The following ATP2A1 variants were observed in gnomAD, a reference collection of about 807,000 sequenced individuals.
ATP2A1 encodes sarcoplasmic/endoplasmic reticulum calcium ATPase 1.
Under a neutral mutation model 109.5 loss-of-function variants are expected in ATP2A1, and 83 were observed. The ratio of observed to expected loss-of-function variants is 0.76; its 90% confidence interval spans 0.63 to 0.91. The LOEUF (loss-of-function observed/expected upper bound fraction) is 0.91. Among genes scored for constraint, ATP2A1 ranks in the 40% least tolerant of loss-of-function variants. ATP2A1 has a pLI of 0.00. For synonymous variants in ATP2A1, 505 were observed against 537.6 expected, an observed-to-expected ratio of 0.94 and a Z score of 0.84; for missense variants, 1,101 against 1,341.0, an observed-to-expected ratio of 0.82 and a Z score of 2.80.
chr16:28,890,579 C>T (rs536488417), intron 9 of ATP2A1, among the ~76,000 whole-genome samples: 34 of 152,200 alleles, frequency 2.2e-4, no homozygotes, highest in African/African-American at 7.2e-4. Flanking sequence ...CACTTGAGCC[C>T]AGGAGTTTTA....
chr16:28,894,553 G>A lies in ATP2A1; in HGVS notation c.1233G>A (p.Val411=), dbSNP rs1963864519. ...PVRPGQYDGL[V]ELATICALCN... ...GGCCAGGGCAGTATGACGGGCTGGTGGAGCTGGCCACCATCTGTGCCCTCT... is the reference window on the plus strand; with the variant it reads ...GGCCAGGGCAGTATGACGGGCTGGTAGAGCTGGCCACCATCTGTGCCCTCT... Residue 411 remains valine (V), a synonymous_variant, in exon 11 of 23, where the codon GTG becomes GTA. Coordinates refer to ENST00000395503, the MANE Select transcript of ATP2A1 (RefSeq NM_004320.6). 1 of 1,614,094 alleles carries A rather than the reference G, an allele frequency of 6.2e-7. No individual in the cohort carries two copies. Among genetic ancestry groups the A allele is most frequent in the Non-Finnish European group, 8.5e-7 (1 of 1,180,032 alleles).
Position 28,882,379 on chromosome 16 carries a change from C to T in ATP2A1, c.325-72C>T, listed in dbSNP as rs564000195. The T allele has an allele frequency of 3.7e-5, 59 of 1,607,598 alleles. No individual in the cohort carries two copies. In the East Asian group the frequency reaches 8.7e-4, roughly 24 times the overall value. On this transcript the variant is annotated intron_variant, in intron 4 of 22. Coordinates refer to ENST00000395503, the MANE Select transcript of ATP2A1 (RefSeq NM_004320.6). ...CTGTGTGGGGTTTTGTTGCCTCCCC[C>T]GTGCCAGGAGCCACAACTCCATAAC...
Position 28,898,236 on chromosome 16 carries a change from G to GC in ATP2A1, c.1553dup (p.Glu519Ter), listed in dbSNP as rs1283302972. On this transcript the variant is annotated frameshift_variant, in exon 14 of 23. Transcript: ENST00000395503. LOFTEE classifies it high-confidence loss of function. This position sits in a 1 kb window ranked among gnomAD's most constrained non-coding sequence, Gnocchi z 4.0. ...GAATGCTGTTCTGGTCTCCTAGGGT[G>GC]CCCCTGAGGGCGTCATCGACCGCTG... 6.2e-7 allele frequency: 1 copy of GC among 1,614,208 alleles called. No individual in the cohort carries two copies. Among genetic ancestry groups the GC allele is most frequent in the Non-Finnish European group, 8.5e-7 (1 of 1,180,036 alleles).
intron 12 of ATP2A1, among the ~76,000 whole-genome samples, chr16:28,895,371 G>C (rs1010674403): frequency 2.6e-5 from 4 of 152,172 alleles, no homozygotes; most frequent in Non-Finnish European, 5.9e-5. Flanking sequence ...TTGCCCAGAT[G>C]AACCCGGCCA....
In ATP2A1 at chr16:28,890,099, G is replaced by A. The variant is rs181843249; in HGVS notation, c.1095+1146G>A. ...AGAGGTTGCAGTGAGCCGAGATCGC[G>A]CCACTGCACTCCAGTGTGGGCGACG... On this transcript the variant is annotated intron_variant, in intron 9 of 22. Transcript: ENST00000395503. Among the ~76,000 whole-genome samples the A allele has an allele frequency of 4.1e-4, 63 of 152,038 alleles. No homozygotes were observed. In the East Asian group the frequency reaches 6.4e-3, roughly 15 times the overall value.
chr16:28,883,499 T>C lies in ATP2A1; in HGVS notation c.463+910T>C, dbSNP rs542499573. The stretch of plus-strand genomic sequence containing the variant: ...TCCTCCCTCCTCGGTCCATTTCCTC[T>C]GGCACAGGAGGGATCCTTAGAAACA... On this transcript the variant is annotated intron_variant, in intron 5 of 22. Transcript: ENST00000395503. This position sits in a 1 kb window ranked among gnomAD's most constrained non-coding sequence, Gnocchi z 5.2. Among the ~76,000 whole-genome samples the C allele has an allele frequency of 6.2e-4, 94 of 152,262 alleles. No individual in the cohort carries two copies. Among genetic ancestry groups the C allele is most frequent in the Non-Finnish European group, 1.0e-3 (70 of 67,988 alleles).
At chr16:28,886,468 A>G (rs1963615438) in intron 6 of ATP2A1, among the ~76,000 whole-genome samples, 1 of 152,144 alleles carries the variant, frequency 6.6e-6, no homozygotes, top group African/African-American at 2.4e-5. Context: ...CCCTGCTCTT[A>G]GGGTGAGGGA....
chr16:28,881,912 C>T (rs928686434), intron 4 of ATP2A1, among the ~76,000 whole-genome samples: 8 of 151,624 alleles, frequency 5.3e-5, no homozygotes, highest in Non-Finnish European at 4.4e-5. Context: ...ATCTGCAGGG[C>T]AGCCTCTGAT....
In ATP2A1 at chr16:28,879,498, C is replaced by A; in HGVS notation, c.137-3C>A. On this transcript the variant is annotated splice_region_variant and splice_polypyrimidine_tract_variant and intron_variant, in intron 2 of 22. Coordinates refer to ENST00000395503, the MANE Select transcript of ATP2A1 (RefSeq NM_004320.6). ...GGGGCCCTCCCCTTGCCTCCTCCCCCAGGGAAGACCCTGTGGGAGCTGGTG... is the reference window on the plus strand; with the variant it reads ...GGGGCCCTCCCCTTGCCTCCTCCCCAAGGGAAGACCCTGTGGGAGCTGGTG... The A allele has an allele frequency of 1.9e-6, 3 of 1,614,082 alleles. No homozygotes were observed. The highest frequency in any genetic ancestry group is 2.5e-6 in the Non-Finnish European group (3 of 1,179,948).
Position 28,878,539 on chromosome 16 carries a change from A to C in ATP2A1, c.-133A>C. 2.4e-6 allele frequency: 2 copies of C among 825,476 alleles called. No homozygotes were observed. The highest frequency in any genetic ancestry group is 4.0e-6 in the Non-Finnish European group (2 of 498,252). 51.1% of individuals were successfully genotyped at this position (825,476 alleles called of 1,614,324 possible). On this transcript the variant is annotated 5_prime_UTR_variant, in exon 1 of 23. Transcript: ENST00000395503. ...TCAGAGCTTTGTGGAGGGAAGAAAA[A>C]CCTGGAGGGGGCAGGAGAGTAAAAA...
rs552080304 is a variant in ATP2A1, at chr16:28,890,006, G to A, written c.1095+1053G>A. Among the ~76,000 whole-genome samples, 314 of 152,256 alleles carry A rather than the reference G, an allele frequency of 2.1e-3. 5 individuals carry two copies. Among genetic ancestry groups the A allele is most frequent in the African/African-American group, 7.4e-3 (306 of 41,528 alleles). ...AAAATACAAAAATTAGCCGGGCATG[G>A]TGGTGCGTGCCAGTAATCCCAGCTA... On this transcript the variant is annotated intron_variant, in intron 9 of 22. Transcript: ENST00000395503.
rs1017800034 is a variant in ATP2A1, at chr16:28,880,184, C to T, written c.219+601C>T. On this transcript the variant is annotated intron_variant, in intron 3 of 22. Transcript: ENST00000395503. This position sits in a 1 kb window ranked among gnomAD's most constrained non-coding sequence, Gnocchi z 4.2. ...CCTAGGCACCCCCACCCCCGCAGGGCATCTCCAGGGCTCTGCCTCCTCTCC... is the reference window on the plus strand; with the variant it reads ...CCTAGGCACCCCCACCCCCGCAGGGTATCTCCAGGGCTCTGCCTCCTCTCC... The T allele has an allele frequency of 3.1e-6, 3 of 958,590 alleles. No individual in the cohort carries two copies. Among genetic ancestry groups the T allele is most frequent in the African/African-American group, 1.8e-5 (1 of 56,480 alleles). 59.4% of individuals were successfully genotyped at this position (958,590 alleles called of 1,614,324 possible).
Position 28,902,046 on chromosome 16 carries a change from C to T in ATP2A1, c.2284C>T (p.Arg762Cys), listed in dbSNP as rs758893778. The change falls in exon 16 of 23, where the codon CGC becomes TGC. Residue 762 changes from arginine to cysteine, a missense_variant. By Grantham distance (180) the Arg-to-Cys change is radical (BLOSUM62 -3). Coordinates refer to ENST00000395503, the MANE Select transcript of ATP2A1 (RefSeq NM_004320.6). The surrounding 1 kb of genome is among the most constrained non-coding windows in gnomAD (Gnocchi z 4.8). ...CTACAACAACATGAAGCAGTTCATC[C>T]GCTACCTCATTTCCTCCAACGTGGG... ...AIYNNMKQFI[R>C]YLISSNVGEV... 10 of 1,614,212 alleles carry T rather than the reference C, an allele frequency of 6.2e-6. No homozygotes were observed. The highest frequency in any genetic ancestry group is 1.1e-5 in the South Asian group (1 of 91,088).
chr16:28,888,985 A>G, intron 9 of ATP2A1, 32 bp downstream of exon 9: 1 of 1,613,292 alleles, frequency 6.2e-7, no homozygotes, highest in South Asian at 1.1e-5. Context: ...GCGCTCAGTC[A>G]GAAGGCTGCC....
rs967535561 is a variant in ATP2A1 at position 28,887,835 on chromosome 16, C to T, written c.928+113C>T. On this transcript the variant is annotated intron_variant, in intron 8 of 22. Transcript: ENST00000395503. ...TTGTTTTTTGAGATGGAGTCTTGCT[C>T]TGTCACCCAGGCTGGAGTGCAGTGG... is the stretch of plus-strand genomic sequence containing the variant. 7 of 1,381,828 alleles carry T rather than the reference C, an allele frequency of 5.1e-6. No individual in the cohort carries two copies. The Admixed American group carries it at 1.3e-4, about 25-fold the overall frequency. The allele number at this position is 1,381,828 out of a possible 1,614,324, so 85.6% of individuals were successfully genotyped here. A position where few individuals can be genotyped will look rare whatever the true frequency, so the allele number is the denominator to read the frequency against.
At chr16:28,901,002 G>A in intron 15 of ATP2A1, 86 bp downstream of exon 15, 1 of 1,529,276 alleles carries the variant, frequency 6.5e-7, no homozygotes, top group Non-Finnish European at 9.0e-7. Context: ...CAGGGCCAGA[G>A]GGCCCTGGTA....
At chr16:28,899,439 G>C (rs750974732) in intron 14 of ATP2A1, among the ~76,000 whole-genome samples, 1 of 152,156 alleles carries the variant, frequency 6.6e-6, no homozygotes, top group African/African-American at 2.4e-5. Context: ...AGGAGTTTGA[G>C]ACCAGCCTGG....
chr16:28,884,490 C>T (rs1021568724), intron 5 of ATP2A1, 85 bp from the exon 6 acceptor site: 20 of 1,301,430 alleles, frequency 1.5e-5, no homozygotes, highest in South Asian at 8.4e-5. Context: ...ATGAGGAGAA[C>T]GAGTCAGACA....
chr16:28,882,429 C>T (rs182273343), intron 4 of ATP2A1, 22 bp from the exon 5 acceptor site: 79 of 1,614,104 alleles, frequency 4.9e-5, no homozygotes, highest in Non-Finnish European at 6.2e-5. Flanking sequence ...ATAACCCTGC[C>T]TCCTCCACCC....
Sources: allele counts gnomAD v4.1 joint callset (sites outside exome capture counted in the v4.1 genomes callset), GRCh38; gene constraint gnomAD v4.1.1; non-coding constraint Gnocchi (gnomAD v3.1); transcripts MANE v1.5; gene names NCBI Gene and HGNC (gene_info 2026-07-23, HGNC 2026-07-21).